WDR41: variants seen among roughly 807,000 people sequenced by gnomAD.
The protein encoded by WDR41 is WD repeat domain 41.
WDR41 carries 63 observed loss-of-function variants against 69.3 expected under a neutral mutation model. The ratio of observed to expected loss-of-function variants is 0.91; its 90% confidence interval spans 0.74 to 1.12. The LOEUF (loss-of-function observed/expected upper bound fraction) is 1.12. Ranked by LOEUF, WDR41 falls within the 50% of genes most tolerant of loss-of-function variation. WDR41 has a pLI of 0.00. For synonymous variants in WDR41, 185 were observed against 192.1 expected, an observed-to-expected ratio of 0.96 and a Z score of 0.31; for missense variants, 543 against 534.5, an observed-to-expected ratio of 1.02 and a Z score of -0.16.
intron 10 of WDR41, among the ~76,000 whole-genome samples, chr5:77,437,736 C>G (rs767900075): frequency 1.3e-5 from 2 of 152,086 alleles, no homozygotes; most frequent in African/African-American, 4.8e-5. Flanking sequence ...CTCTTGCTAC[C>G]TCTCTTCTCT....
chr5:77,567,711 G>GA, intron 1 of WDR41, among the ~76,000 whole-genome samples: 1 of 146,748 alleles, frequency 6.8e-6, no homozygotes, highest in Admixed American at 6.8e-5. Context: ...ATGCTATTCT[G>GA]AATCACCTAA....
upstream of WDR41, among the ~76,000 whole-genome samples, chr5:77,493,037 A>T (rs1007250864): frequency 2.0e-5 from 3 of 152,160 alleles, no homozygotes. Context: ...TTTCTTAGGT[A>T]GTCAAAGGGC....
rs1476477723 is a variant in WDR41, at chr5:77,449,769, T to TA, written c.687dup (p.Asn230Ter). 6.3e-7 allele frequency: 1 copy of TA among 1,595,190 alleles called. No homozygotes were observed. Among genetic ancestry groups the TA allele is most frequent in the African/African-American group, 1.3e-5 (1 of 74,670 alleles). ...TACACAATGAGCTTACCATTGACAT[T>TA]AATCAATGAGAGAATATTATCCTGG... On this transcript the variant is annotated frameshift_variant, in exon 8 of 13. Transcript: ENST00000296679. LOFTEE classifies it high-confidence loss of function.
chr5:77,597,129 A>G (rs1201773909), intron 1 of WDR41, among the ~76,000 whole-genome samples: 3 of 151,984 alleles, frequency 2.0e-5, no homozygotes, highest in Middle Eastern at 3.2e-3. Flanking sequence ...TCAAAAAAAA[A>G]AGAAGAAAAA....
chr5:77,466,806 ATTTTT>A (rs201249403), intron 2 of WDR41, among the ~76,000 whole-genome samples: 4 of 135,242 alleles, frequency 3.0e-5, no homozygotes, highest in African/African-American at 1.1e-4. Flanking sequence ...TATTGCTACC[ATTTTT>A]TTTTTTTTTT....
intron 1 of WDR41, among the ~76,000 whole-genome samples, chr5:77,602,596 T>A (rs1744345116): frequency 6.6e-6 from 1 of 152,210 alleles, no homozygotes. Context: ...TTTTTTTCTA[T>A]GATCAAATAG....
intron 1 of WDR41, among the ~76,000 whole-genome samples, chr5:77,581,467 G>T (rs1580025027): frequency 6.6e-6 from 1 of 152,104 alleles, no homozygotes; most frequent in East Asian, 1.9e-4. Context: ...AAATCAACAA[G>T]AAGACAGAAG....
At chr5:77,527,750 C>T (rs1802469987) in intron 1 of WDR41, among the ~76,000 whole-genome samples, 1 of 151,816 alleles carries the variant, frequency 6.6e-6, no homozygotes, top group African/African-American at 2.4e-5. Flanking sequence ...TGTTCTCTGA[C>T]TACAATGTAT....
At position 77,546,004 on chromosome 5, in the gene WDR41, G is replaced by A. The variant is rs1028858155; in HGVS notation, c.43-56432C>T. The A allele has an allele frequency of 6.3e-5, 31 of 492,554 alleles. 1 individual carries two copies. The South Asian group carries it at 9.3e-4, about 15-fold the overall frequency. The allele number at this position is 492,554 out of a possible 1,614,324, so 30.5% of individuals were successfully genotyped here. On this transcript the variant is annotated intron_variant, in intron 1 of 5. Transcript: ENST00000509971. ...TGCCCAGGAGCACTGGCATCATCTC[G>A]GCCCCTGTGCCCAAGAAGCTGCTGA...
At chr5:77,437,828 A>C (rs1799005676) in intron 10 of WDR41, among the ~76,000 whole-genome samples, 1 of 152,192 alleles carries the variant, frequency 6.6e-6, no homozygotes, top group African/African-American at 2.4e-5. Flanking sequence ...GCTCAGCAGC[A>C]AATCTACCCT....
rs981403613 is a variant in WDR41 at position 77,431,383 on chromosome 5, ATTC to A, written c.*1749_*1751del. The A allele has an allele frequency of 1.9e-4, 29 of 152,350 alleles. No homozygotes were observed. Among genetic ancestry groups the A allele is most frequent in the African/African-American group, 6.7e-4 (28 of 41,576 alleles). 9.4% of individuals were successfully genotyped at this position (152,350 alleles called of 1,614,324 possible). ...TGTTAGCATTTTTTAGCAATAAAGTATTCTTAAGGTATGTACATTTTTTAGAAA... is the reference window on the plus strand; with the variant it reads ...TGTTAGCATTTTTTAGCAATAAAGTATTAAGGTATGTACATTTTTTAGAAA... On this transcript the variant is annotated 3_prime_UTR_variant, in exon 13 of 13. Coordinates refer to ENST00000296679, the MANE Select transcript of WDR41 (RefSeq NM_018268.4).
intron 1 of WDR41, among the ~76,000 whole-genome samples, chr5:77,505,194 T>C (rs1293721773): frequency 6.6e-6 from 1 of 152,128 alleles, no homozygotes; most frequent in Non-Finnish European, 1.5e-5. Flanking sequence ...GGATAAAAAA[T>C]CAATGTGCAA....
chr5:77,472,735 G>A (rs1021970943), intron 2 of WDR41, among the ~76,000 whole-genome samples: 8 of 151,910 alleles, frequency 5.3e-5, no homozygotes, highest in African/African-American at 1.7e-4. Flanking sequence ...ACCTCTTCAA[G>A]GAGAACTACA....
At chr5:77,612,687 A>G (rs927911962) in intron 1 of WDR41, among the ~76,000 whole-genome samples, 2 of 152,188 alleles carry the variant, frequency 1.3e-5, no homozygotes, top group Admixed American at 6.5e-5. Flanking sequence ...AGCCAATATC[A>G]AACTGAATGG....
chr5:77,590,377 G>A (rs747596197), intron 1 of WDR41, among the ~76,000 whole-genome samples: 22 of 152,112 alleles, frequency 1.4e-4, no homozygotes, highest in Non-Finnish European at 2.4e-4. Flanking sequence ...GAAACACATC[G>A]GAGTTATTAA....
chr5:77,525,214 C>T (rs888116706), intron 1 of WDR41, among the ~76,000 whole-genome samples: 1 of 152,150 alleles, frequency 6.6e-6, no homozygotes, highest in African/African-American at 2.4e-5. Flanking sequence ...GCCAAAGCTT[C>T]CTAAACTTCA....
intron 1 of WDR41, chr5:77,582,843 GC>G: frequency 1.2e-6 from 2 of 1,602,768 alleles, no homozygotes; most frequent in East Asian, 4.5e-5. Flanking sequence ...TAATCTACAA[GC>G]GTGGTTATGG....
intron 1 of WDR41, among the ~76,000 whole-genome samples, chr5:77,597,868 T>A (rs1350967819): frequency 1.3e-5 from 2 of 152,240 alleles, no homozygotes; most frequent in Non-Finnish European, 2.9e-5. Flanking sequence ...TTTCTAGTGA[T>A]GCTGCAACTG....
chr5:77,619,313 C>T (rs150091076), intron 1 of WDR41, among the ~76,000 whole-genome samples: 39 of 152,292 alleles, frequency 2.6e-4, no homozygotes, highest in Middle Eastern at 3.4e-3. Flanking sequence ...TCAGGTACCA[C>T]GCATTCAGGC....
Sources: gnomAD v4.1 joint callset for allele counts (sites outside exome capture counted in the v4.1 genomes callset) on GRCh38, gnomAD v4.1.1 for gene constraint, MANE v1.5 for transcripts, NCBI Gene and HGNC (gene_info 2026-07-23, HGNC 2026-07-21) for gene names.